The following CEP128 variants were observed in gnomAD, a reference collection of about 807,000 sequenced individuals.
The protein encoded by CEP128 is centrosomal protein 128kDa.
CEP128 carries 132 observed loss-of-function variants against 156.7 expected under a neutral mutation model. The observed-to-expected ratio is 0.84, with a 90% CI of 0.73 to 0.97. The LOEUF (loss-of-function observed/expected upper bound fraction) is 0.97. Ranked by LOEUF, CEP128 falls within the 50% of genes least tolerant of loss-of-function variation. CEP128 has a pLI of 0.00. For missense variants in CEP128, 1,252 were observed against 1,281.9 expected (o/e 0.98, Z 0.36); for synonymous variants, 469 against 448.9 (o/e 1.04, Z -0.57).
intron 19 of CEP128, among the ~76,000 whole-genome samples, chr14:80,652,530 G>T (rs1025978049): frequency 6.6e-6 from 1 of 152,034 alleles, no homozygotes; most frequent in African/African-American, 2.4e-5. Flanking sequence ...AGTGGGCAAA[G>T]GATATGAACA....
At chr14:80,930,325 C>T (rs77038154) in intron 2 of CEP128, among the ~76,000 whole-genome samples, 2,856 of 152,250 alleles carry the variant, frequency 0.019, 46 homozygotes, top group Non-Finnish European at 0.03. Flanking sequence ...TACTTCAGTC[C>T]GCACATGGCC....
intron 19 of CEP128, among the ~76,000 whole-genome samples, chr14:80,721,074 A>G (rs1385348796): frequency 6.6e-6 from 1 of 152,198 alleles, no homozygotes; most frequent in Non-Finnish European, 1.5e-5. Context: ...GAATTCAAAG[A>G]ATCTATGAAA....
intron 21 of CEP128, among the ~76,000 whole-genome samples, chr14:80,540,186 C>T (rs2140306736): frequency 7.1e-6 from 1 of 140,140 alleles, no homozygotes; most frequent in East Asian, 2.3e-4. Context: ...GTACCTACTC[C>T]CTGTTCTTAC....
At chr14:80,608,523 T>C (rs1566808619) in intron 19 of CEP128, among the ~76,000 whole-genome samples, 1 of 152,306 alleles carries the variant, frequency 6.6e-6, no homozygotes, top group East Asian at 1.9e-4. Context: ...ATAATCTACA[T>C]TCCCGGCAGG....
At chr14:80,794,882 G>C (rs1209599363) in intron 13 of CEP128, among the ~76,000 whole-genome samples, 1 of 152,102 alleles carries the variant, frequency 6.6e-6, no homozygotes, top group Admixed American at 6.6e-5. Context: ...TAAAAGAAAA[G>C]AAGCTAGCAA....
chr14:80,732,471 G>GGTGTGTATGT (rs1898319687), intron 19 of CEP128, among the ~76,000 whole-genome samples: 1 of 127,646 alleles, frequency 7.8e-6, no homozygotes, highest in African/African-American at 3.0e-5. Flanking sequence ...TGATTAAGCA[G>GGTGTGTATGT]GTGTGTGTGT....
At chr14:80,633,203 G>A (rs1045942967) in intron 19 of CEP128, among the ~76,000 whole-genome samples, 5 of 151,436 alleles carry the variant, frequency 3.3e-5, no homozygotes, top group African/African-American at 1.2e-4. Flanking sequence ...ACTCCAATCT[G>A]GGTGCCAGAG....
intron 2 of CEP128, among the ~76,000 whole-genome samples, chr14:80,919,518 T>C (rs1472771400): frequency 6.6e-6 from 1 of 152,188 alleles, no homozygotes; most frequent in African/African-American, 2.4e-5. Context: ...TTCCCAGGGA[T>C]AATCACTAGC....
chr14:80,658,528 A>C (rs371237202), intron 19 of CEP128, among the ~76,000 whole-genome samples: 1 of 152,202 alleles, frequency 6.6e-6, no homozygotes, highest in Non-Finnish European at 1.5e-5. Context: ...AGCAGCTTAC[A>C]TACTTATTTA....
intron 14 of CEP128, among the ~76,000 whole-genome samples, chr14:80,484,848 A>G (rs1015730286): frequency 6.6e-6 from 1 of 151,734 alleles, no homozygotes; most frequent in Admixed American, 6.6e-5. Context: ...TGGCATGAAT[A>G]TTGCACGGGA....
chr14:80,706,262 A>C (rs1176315896), intron 19 of CEP128, among the ~76,000 whole-genome samples: 4 of 152,146 alleles, frequency 2.6e-5, no homozygotes, highest in African/African-American at 9.6e-5. Context: ...ACCATCTTTC[A>C]AGAATGAAGA....
intron 6 of CEP128, among the ~76,000 whole-genome samples, chr14:80,902,999 C>T (rs1039399212): frequency 6.6e-6 from 1 of 152,000 alleles, no homozygotes; most frequent in Admixed American, 6.6e-5. Flanking sequence ...TGAAAAATCC[C>T]ATATTAACAA....
chr14:80,703,480 A>G (rs1202923650), intron 19 of CEP128, among the ~76,000 whole-genome samples: 1 of 151,994 alleles, frequency 6.6e-6, no homozygotes, highest in African/African-American at 2.4e-5. Context: ...AAAATTTTAA[A>G]AATCCAAAAG....
At chr14:80,842,773 AATT>A (rs1331167505) in intron 9 of CEP128, among the ~76,000 whole-genome samples, 4 of 151,930 alleles carry the variant, frequency 2.6e-5, no homozygotes, top group African/African-American at 7.2e-5. Context: ...GAATTTCAAT[AATT>A]ATGTTATTTT....
intron 19 of CEP128, among the ~76,000 whole-genome samples, chr14:80,613,137 T>G (rs576472713): frequency 5.6e-4 from 84 of 151,212 alleles, no homozygotes; most frequent in African/African-American, 2.0e-3. Flanking sequence ...ATTACAGGAA[T>G]GAGCCACCAC....
intron 6 of CEP128, among the ~76,000 whole-genome samples, chr14:80,903,847 T>C (rs1883718435): frequency 6.6e-6 from 1 of 151,972 alleles, no homozygotes. Context: ...GAAAGATAAG[T>C]GTTGGACATG....
intron 8 of CEP128, among the ~76,000 whole-genome samples, chr14:80,880,889 T>C (rs1442878009): frequency 7.1e-6 from 1 of 141,756 alleles, no homozygotes; most frequent in Non-Finnish European, 1.5e-5. Flanking sequence ...ATAATAATAA[T>C]AATAATAATA....
intron 8 of CEP128, among the ~76,000 whole-genome samples, chr14:80,872,934 C>G (rs985203060): frequency 1.3e-5 from 2 of 152,034 alleles, no homozygotes; most frequent in Admixed American, 6.5e-5. Context: ...ACATTTTTTT[C>G]TTAATCAGGA....
At chr14:80,580,449 T>G (rs750906893) in intron 19 of CEP128, 26 bp from the exon 20 acceptor site, 1 of 1,468,514 alleles carries the variant, frequency 6.8e-7, no homozygotes, top group Non-Finnish European at 9.5e-7. Context: ...AAAATACCCA[T>G]CAAAATACAA....
Sources: allele counts gnomAD v4.1 joint callset (sites outside exome capture counted in the v4.1 genomes callset), GRCh38; gene constraint gnomAD v4.1.1; transcripts MANE v1.5; gene names NCBI Gene and HGNC (gene_info 2026-07-23, HGNC 2026-07-21).